Variants in SCARA5 observed in about 807,000 individuals in gnomAD.
SCARA5 encodes scavenger receptor class A, member 5 (putative).
Under a neutral mutation model 46.3 loss-of-function variants are expected in SCARA5, and 45 were observed. The observed-to-expected ratio is 0.97, with a 90% CI of 0.76 to 1.24. The LOEUF (loss-of-function observed/expected upper bound fraction) is 1.24. Ranked by LOEUF, SCARA5 falls within the 50% of genes most tolerant of loss-of-function variation. The pLI, the probability that SCARA5 is intolerant of heterozygous loss-of-function variation, is 0.00. For synonymous variants in SCARA5, 333 were observed against 306.5 expected (o/e 1.09, Z -0.90); for missense variants, 680 against 689.0 (o/e 0.99, Z 0.15).
chr8:27,971,045 CT>C (rs1192052406), intron 2 of SCARA5, among the ~76,000 whole-genome samples: 1 of 152,206 alleles, frequency 6.6e-6, no homozygotes, highest in Non-Finnish European at 1.5e-5. Flanking sequence ...GAAGGAGAGA[CT>C]TTGTTAGCGT....
At chr8:27,987,894 A>G (rs1488810370) in intron 1 of SCARA5, among the ~76,000 whole-genome samples, 1 of 152,072 alleles carries the variant, frequency 6.6e-6, no homozygotes, top group African/African-American at 2.4e-5. Flanking sequence ...GGATGTGTCC[A>G]TTCCTTTCAA....
At chr8:27,962,386 T>C (rs764371395) in intron 3 of SCARA5, among the ~76,000 whole-genome samples, 6 of 152,196 alleles carry the variant, frequency 3.9e-5, no homozygotes, top group Non-Finnish European at 7.3e-5. Flanking sequence ...AAATAATTGG[T>C]GCATGGGTCC....
intron 2 of SCARA5, among the ~76,000 whole-genome samples, chr8:27,982,188 G>A (rs1172233053): frequency 5.9e-5 from 9 of 152,082 alleles, no homozygotes. Flanking sequence ...CTGGGGCCGT[G>A]GGGGCGAATG....
At chr8:27,882,890 T>C (rs1054260050) in intron 7 of SCARA5, among the ~76,000 whole-genome samples, 4 of 152,210 alleles carry the variant, frequency 2.6e-5, no homozygotes, top group South Asian at 2.1e-4. Flanking sequence ...TGGCACATAA[T>C]AGGCCCTTTC....
In SCARA5 at chr8:27,908,152, C is replaced by T. The variant is rs2685360; in HGVS notation, c.998-906G>A. On this transcript the variant is annotated intron_variant, in intron 5 of 8. Coordinates refer to ENST00000354914, the MANE Select transcript of SCARA5 (RefSeq NM_173833.6). Reference sequence around the variant, plus strand: ...ACAGGGCTTACTGGTACTTAGGGAGCGGGGTGGGAAGAAGAAAAAGTAGCT... The same window carrying T: ...ACAGGGCTTACTGGTACTTAGGGAGTGGGGTGGGAAGAAGAAAAAGTAGCT... 1.8e-3 allele frequency among the ~76,000 whole-genome samples: 256 copies of T among 143,006 alleles called. 1 individual carries two copies. The highest frequency in any genetic ancestry group is 6.0e-3 in the African/African-American group (237 of 39,188). The allele number at this position is 143,006 out of a possible 152,430, so 93.8% of individuals were successfully genotyped here.
intron 3 of SCARA5, among the ~76,000 whole-genome samples, chr8:27,943,558 T>C (rs1443747952): frequency 2.0e-5 from 3 of 152,254 alleles, no homozygotes; most frequent in Non-Finnish European, 4.4e-5. Context: ...GGGAGAAGCC[T>C]AAGCTGTGGT....
At chr8:27,905,883 G>A (rs1440473156) in intron 6 of SCARA5, among the ~76,000 whole-genome samples, 1 of 151,834 alleles carries the variant, frequency 6.6e-6, no homozygotes, top group Non-Finnish European at 1.5e-5. Flanking sequence ...GCTAAGTTTT[G>A]TATTTTTGGT....
chr8:27,982,249 T>C (rs1262136326), intron 2 of SCARA5, among the ~76,000 whole-genome samples: 2 of 151,656 alleles, frequency 1.3e-5, no homozygotes, highest in African/African-American at 4.8e-5. Flanking sequence ...CCTCGGAAAG[T>C]GCTGTGGAGG....
chr8:27,975,018 G>A (rs574110882), intron 2 of SCARA5, among the ~76,000 whole-genome samples: 10 of 152,034 alleles, frequency 6.6e-5, no homozygotes, highest in South Asian at 2.1e-4. Flanking sequence ...CCCCTAGATC[G>A]CCTCAGGATG....
intron 3 of SCARA5, among the ~76,000 whole-genome samples, chr8:27,935,227 C>G (rs1248000831): frequency 6.6e-6 from 1 of 152,138 alleles, no homozygotes; most frequent in African/African-American, 2.4e-5. Flanking sequence ...TGTTAGGCAG[C>G]CTCGGGAAAC....
chr8:27,942,314 C>G (rs977165379), intron 3 of SCARA5, among the ~76,000 whole-genome samples: 10 of 152,190 alleles, frequency 6.6e-5, no homozygotes, highest in Non-Finnish European at 1.5e-4. Context: ...TTTTCACCCT[C>G]TTCACGATGG....
intron 3 of SCARA5, among the ~76,000 whole-genome samples, chr8:27,942,036 C>T (rs1408390869): frequency 6.6e-6 from 1 of 151,706 alleles, no homozygotes; most frequent in African/African-American, 2.4e-5. Context: ...GCCATGTTGC[C>T]CAGGCTGGTC....
chr8:27,880,389 C>G (rs1162279767), intron 7 of SCARA5, among the ~76,000 whole-genome samples: 1 of 90,204 alleles, frequency 1.1e-5, no homozygotes, highest in Non-Finnish European at 2.2e-5. Context: ...AGCTTCTGTA[C>G]AGGAAAAAAA....
intron 3 of SCARA5, among the ~76,000 whole-genome samples, chr8:27,941,460 A>C (rs1807943828): frequency 6.6e-6 from 1 of 152,250 alleles, no homozygotes; most frequent in South Asian, 2.1e-4. Flanking sequence ...GTGAGGACTC[A>C]AGAAAAGAAT....
At chr8:27,981,084 G>T (rs1180583173) in intron 2 of SCARA5, among the ~76,000 whole-genome samples, 2 of 152,166 alleles carry the variant, frequency 1.3e-5, no homozygotes, top group Non-Finnish European at 2.9e-5. Context: ...GGATCGAGGG[G>T]CTACTGTGTG....
intron 7 of SCARA5, among the ~76,000 whole-genome samples, chr8:27,891,456 G>A (rs908957395): frequency 4.6e-5 from 7 of 152,038 alleles, no homozygotes; most frequent in Admixed American, 1.3e-4. Context: ...TGCCCGCTTC[G>A]GCCTCCCAAA....
intron 8 of SCARA5, among the ~76,000 whole-genome samples, chr8:27,873,638 C>A (rs1164176361): frequency 6.7e-6 from 1 of 149,318 alleles, no homozygotes; most frequent in Non-Finnish European, 1.5e-5. Flanking sequence ...TAAATCCCTG[C>A]GCTGACTCTC....
At chr8:27,906,093 G>A (rs1463877644) in intron 6 of SCARA5, among the ~76,000 whole-genome samples, 3 of 152,152 alleles carry the variant, frequency 2.0e-5, no homozygotes, top group African/African-American at 7.2e-5. Flanking sequence ...ATAAAAGGAA[G>A]GAAAACCTCA....
At chr8:27,873,759 C>G (rs1416102076) in intron 8 of SCARA5, among the ~76,000 whole-genome samples, 1 of 152,202 alleles carries the variant, frequency 6.6e-6, no homozygotes, top group Admixed American at 6.5e-5. Context: ...CCATGGCTCA[C>G]GCCTGTAATC....
Sources: gnomAD v4.1 joint callset for allele counts (sites outside exome capture counted in the v4.1 genomes callset) on GRCh38, gnomAD v4.1.1 for gene constraint, MANE v1.5 for transcripts, NCBI Gene and HGNC (gene_info 2026-07-23, HGNC 2026-07-21) for gene names.